Variants in MGAT4C observed in about 807,000 individuals in gnomAD.
MGAT4C encodes the protein MGAT4 family member C, also known as alpha-1,3-mannosyl-glycoprotein 4-beta-N-acetylglucosaminyltransferase C.
Under a neutral mutation model 40.1 loss-of-function variants are expected in MGAT4C, and 19 were observed. The ratio of observed to expected loss-of-function variants is 0.47; its 90% confidence interval spans 0.33 to 0.70. The LOEUF (loss-of-function observed/expected upper bound fraction) is 0.70, where lower values mean the gene tolerates loss of function less well. MGAT4C is among the 30% of genes least tolerant of loss of function. The pLI, the probability that MGAT4C is intolerant of heterozygous loss-of-function variation, is 0.02. For synonymous variants in MGAT4C, 181 were observed against 187.1 expected (o/e 0.97, Z 0.27); for missense variants, 491 against 563.2 (o/e 0.87, Z 1.30).
chr12:86,508,322 T>C (rs1165689920), intron 2 of MGAT4C, among the ~76,000 whole-genome samples: 1 of 152,056 alleles, frequency 6.6e-6, no homozygotes, highest in African/African-American at 2.4e-5. Context: ...GGTTTTTTGT[T>C]CTTGTGATAG....
At position 85,958,047 on chromosome 12, in the gene MGAT4C, G is replaced by A. The variant is rs375151749; in HGVS notation, c.*21242C>T. On this transcript the variant is annotated 3_prime_UTR_variant, in exon 5 of 5. Coordinates refer to ENST00000611864, the MANE Select transcript of MGAT4C (RefSeq NM_001351288.2). ...TTTTTCTAAGTGTTTTTGTGTGTGT[G>A]TGTGTGTGTGTGTGTGTGTGTTTGT... The A allele has an allele frequency of 6.7e-6, 1 of 149,034 alleles. No individual in the cohort carries two copies. Among genetic ancestry groups the A allele is most frequent in the Non-Finnish European group, 1.5e-5 (1 of 66,792 alleles). The allele number at this position is 149,034 out of a possible 1,614,324, so 9.2% of individuals were successfully genotyped here.
chr12:86,368,358 A>C (rs1443475986), intron 3 of MGAT4C, among the ~76,000 whole-genome samples: 1 of 151,386 alleles, frequency 6.6e-6, no homozygotes, highest in African/African-American at 2.4e-5. Context: ...AGTTTCAGTA[A>C]TTTTTTTCTA....
chr12:86,109,967 T>C (rs899259383), intron 1 of MGAT4C, among the ~76,000 whole-genome samples: 2 of 151,418 alleles, frequency 1.3e-5, no homozygotes, highest in African/African-American at 4.9e-5. Context: ...GGAGAATGAA[T>C]AGGAGTTATT....
rs535760203 is a variant in MGAT4C at position 85,966,975 on chromosome 12, A to G, written c.*12314T>C. 2.0e-5 allele frequency: 3 copies of G among 152,230 alleles called. 1 individual carries two copies. The highest frequency in any genetic ancestry group is 7.2e-5 in the African/African-American group (3 of 41,544). 9.4% of individuals were successfully genotyped at this position (152,230 alleles called of 1,614,324 possible). On this transcript the variant is annotated 3_prime_UTR_variant, in exon 5 of 5. Transcript: ENST00000611864. ...ACGAGTTAATGGGTGCAGCACACCAACATGGCACAGGTATACATATGTAAC... is the reference window on the plus strand; with the variant it reads ...ACGAGTTAATGGGTGCAGCACACCAGCATGGCACAGGTATACATATGTAAC...
chr12:86,194,086 A>G (rs1266223221), intron 1 of MGAT4C, among the ~76,000 whole-genome samples: 1 of 150,384 alleles, frequency 6.6e-6, no homozygotes, highest in Non-Finnish European at 1.5e-5. Context: ...TCTGTTATCT[A>G]CTCTATTTTC....
At chr12:86,379,641 C>T (rs1955892260) in intron 3 of MGAT4C, among the ~76,000 whole-genome samples, 3 of 152,138 alleles carry the variant, frequency 2.0e-5, no homozygotes, top group Non-Finnish European at 4.4e-5. Flanking sequence ...AAACTGTTTA[C>T]TCTTAGTATT....
chr12:86,555,486 G>T (rs1592981867), intron 2 of MGAT4C, among the ~76,000 whole-genome samples: 1 of 152,126 alleles, frequency 6.6e-6, no homozygotes, highest in East Asian at 1.9e-4. Context: ...GTGGACTTTG[G>T]AACACCAAGC....
intron 2 of MGAT4C, among the ~76,000 whole-genome samples, chr12:86,010,023 A>G (rs1429636669): frequency 6.6e-6 from 1 of 152,200 alleles, no homozygotes; most frequent in African/African-American, 2.4e-5. Flanking sequence ...CGATCACTTG[A>G]TATTTCATTG....
intron 2 of MGAT4C, among the ~76,000 whole-genome samples, chr12:86,594,038 A>G (rs539204438): frequency 6.6e-6 from 1 of 152,308 alleles, no homozygotes; most frequent in East Asian, 1.9e-4. Context: ...CACAAAAGCC[A>G]GGACAATGGC....
At chr12:86,707,511 G>A (rs928355004) in intron 2 of MGAT4C, among the ~76,000 whole-genome samples, 21 of 151,482 alleles carry the variant, frequency 1.4e-4, no homozygotes, top group African/African-American at 2.9e-4. Flanking sequence ...GGTATCTGGC[G>A]GAGGAATTTT....
chr12:86,809,219 T>C (rs1952422984), intron 1 of MGAT4C, among the ~76,000 whole-genome samples: 1 of 152,056 alleles, frequency 6.6e-6, no homozygotes, highest in African/African-American at 2.4e-5. Context: ...AAGATTCATC[T>C]GAGTTATTGA....
chr12:86,157,756 G>A (rs1263521073), intron 1 of MGAT4C, among the ~76,000 whole-genome samples: 1 of 152,050 alleles, frequency 6.6e-6, no homozygotes, highest in East Asian at 1.9e-4. Context: ...GAAGAAGGAC[G>A]TGCCACACTT....
Position 86,509,541 on chromosome 12 carries a change from G to C in MGAT4C, c.-228-74276C>G, listed in dbSNP as rs554612735. Among the ~76,000 whole-genome samples, 589 of 151,826 alleles carry C rather than the reference G, an allele frequency of 3.9e-3. 3 individuals are homozygous for C. Among genetic ancestry groups the C allele is most frequent in the South Asian group, 0.018 (87 of 4,786 alleles). ...TTGGCTTAGGATTGACTTGGCGATG[G>C]GGGCTCTTTTTTGGTTCCATATGAA... is the stretch of plus-strand genomic sequence containing the variant. On this transcript the variant is annotated intron_variant, in intron 2 of 7. Coordinates refer to the MGAT4C transcript ENST00000548651.
intron 2 of MGAT4C, among the ~76,000 whole-genome samples, chr12:86,611,803 T>A (rs1648212833): frequency 6.6e-6 from 1 of 152,222 alleles, no homozygotes; most frequent in African/African-American, 2.4e-5. Flanking sequence ...GCAGGCAACC[T>A]GTAGATTTTA....
chr12:86,373,048 T>C (rs1041783585), intron 3 of MGAT4C, among the ~76,000 whole-genome samples: 12 of 151,580 alleles, frequency 7.9e-5, no homozygotes, highest in Non-Finnish European at 1.5e-4. Flanking sequence ...CAATTATTTA[T>C]ATAACTTCAG....
chr12:86,185,884 G>A (rs1012964694), intron 1 of MGAT4C, among the ~76,000 whole-genome samples: 4 of 151,920 alleles, frequency 2.6e-5, no homozygotes, highest in Admixed American at 6.6e-5. Flanking sequence ...AAATTTAACA[G>A]GTGGTATTTT....
intron 2 of MGAT4C, among the ~76,000 whole-genome samples, chr12:86,009,169 T>C (rs1340418613): frequency 1.3e-5 from 2 of 152,180 alleles, no homozygotes; most frequent in African/African-American, 2.4e-5. Context: ...ATGACCTGCA[T>C]ATTACAAACT....
intron 1 of MGAT4C, among the ~76,000 whole-genome samples, chr12:86,104,404 C>A (rs1875749765): frequency 6.6e-6 from 1 of 152,064 alleles, no homozygotes; most frequent in Admixed American, 6.6e-5. Context: ...AGTGCCATTG[C>A]ACTCTAGCGT....
intron 2 of MGAT4C, among the ~76,000 whole-genome samples, chr12:86,600,705 T>C (rs1961736286): frequency 6.6e-6 from 1 of 152,214 alleles, no homozygotes; most frequent in Non-Finnish European, 1.5e-5. Flanking sequence ...GGCTGCGCAC[T>C]CTGCGGAGCC....
Sources: gnomAD v4.1 joint callset for allele counts (sites outside exome capture counted in the v4.1 genomes callset) on GRCh38, gnomAD v4.1.1 for gene constraint, MANE v1.5 for transcripts, NCBI Gene and HGNC (gene_info 2026-07-23, HGNC 2026-07-21) for gene names.